The following ITPR1 variants were observed in gnomAD, a reference collection of about 807,000 sequenced individuals.
ITPR1 encodes inositol 1,4,5-trisphosphate receptor type 1.
Under a neutral mutation model 318.4 loss-of-function variants are expected in ITPR1, and 96 were observed. The observed-to-expected ratio is 0.30, with a 90% CI of 0.26 to 0.36. The LOEUF (loss-of-function observed/expected upper bound fraction) is 0.36. Ranked by LOEUF, ITPR1 falls within the 10% of genes least tolerant of loss-of-function variation. The pLI is 1.00. For synonymous variants in ITPR1, 1,312 were observed against 1,289.9 expected, an observed-to-expected ratio of 1.02 and a Z score of -0.37; for missense variants, 2,440 against 3,460.2, an observed-to-expected ratio of 0.71 and a Z score of 7.40.
chr3:4,836,973 C>G, intron 61 of ITPR1, 38 bp downstream of exon 61: 1 of 1,504,040 alleles, frequency 6.6e-7, no homozygotes, highest in Non-Finnish European at 9.0e-7. Context: ...CCTCCCATCA[C>G]TATCCCCACC....
rs561618354 is a variant in ITPR1 at position 4,662,046 on chromosome 3, A to C, written c.1252-36A>C. The C allele has an allele frequency of 2.5e-6, 4 of 1,589,428 alleles. No individual in the cohort carries two copies. In the African/African-American group the frequency reaches 4.0e-5, roughly 16 times the overall value. On this transcript the variant is annotated intron_variant, in intron 14 of 61. Coordinates refer to ENST00000649015, the MANE Select transcript of ITPR1 (RefSeq NM_001378452.1). ...GATTAAAGTCTTATCCTTCCCATCC[A>C]AGAGATTATCTCACAAGGACCACCT...
chr3:4,593,110 A>G (rs1468145587), intron 4 of ITPR1, among the ~76,000 whole-genome samples: 1 of 152,200 alleles, frequency 6.6e-6, no homozygotes, highest in African/African-American at 2.4e-5. Context: ...TTAGAAATCT[A>G]AATACATTTT....
intron 60 of ITPR1, among the ~76,000 whole-genome samples, chr3:4,834,285 TG>T (rs1163981230): frequency 6.6e-6 from 1 of 152,260 alleles, no homozygotes; most frequent in Non-Finnish European, 1.5e-5. Context: ...GTATCAAAAC[TG>T]TTTCTCCTTT....
At chr3:4,688,908 A>G (rs1574868174) in intron 31 of ITPR1, among the ~76,000 whole-genome samples, 3 of 152,362 alleles carry the variant, frequency 2.0e-5, no homozygotes, top group Admixed American at 2.0e-4. Flanking sequence ...CTTCAGCAAT[A>G]TAGAAGTGCT....
At chr3:4,616,185 G>A (rs2092381458) in intron 4 of ITPR1, among the ~76,000 whole-genome samples, 1 of 152,164 alleles carries the variant, frequency 6.6e-6, no homozygotes, top group South Asian at 2.1e-4. Context: ...TGTGTTAACT[G>A]CAATTTTAGA....
Position 4,525,567 on chromosome 3 carries a change from AT to A in ITPR1, c.163+4477del, listed in dbSNP as rs1441836502. Among the ~76,000 whole-genome samples, 5 of 152,306 alleles carry A rather than the reference AT, an allele frequency of 3.3e-5. No homozygotes were observed. The South Asian group carries it at 8.3e-4, about 25-fold the overall frequency. On this transcript the variant is annotated intron_variant, in intron 4 of 61. Transcript: ENST00000649015. ...AGCCACATCTTTTTCATCTGAATGA[AT>A]TTTGGACAATATCATTGTCCTCGTA...
chr3:4,801,186 T>C (rs1199943577), intron 54 of ITPR1, among the ~76,000 whole-genome samples: 1 of 152,140 alleles, frequency 6.6e-6, no homozygotes, highest in African/African-American at 2.4e-5. Flanking sequence ...TATAAAACCA[T>C]ACATTGGAGA....
chr3:4,680,911 T>C (rs900015959), intron 25 of ITPR1, among the ~76,000 whole-genome samples: 3 of 152,218 alleles, frequency 2.0e-5, no homozygotes, highest in Non-Finnish European at 4.4e-5. Context: ...TGGGAGTGTC[T>C]TAGTGATGAG....
chr3:4,794,835 T>C (rs2047795327), intron 52 of ITPR1, among the ~76,000 whole-genome samples: 1 of 152,192 alleles, frequency 6.6e-6, no homozygotes, highest in Non-Finnish European at 1.5e-5. Flanking sequence ...GCTCTCTCCT[T>C]ACTCCACCCC....
intron 44 of ITPR1, among the ~76,000 whole-genome samples, chr3:4,739,988 GA>G (rs2043581463): frequency 6.6e-6 from 1 of 152,206 alleles, no homozygotes; most frequent in Non-Finnish European, 1.5e-5. Flanking sequence ...GCAGGAAGTG[GA>G]AGCTACTAGC....
At chr3:4,531,993 C>G (rs2083450991) in intron 4 of ITPR1, among the ~76,000 whole-genome samples, 1 of 152,202 alleles carries the variant, frequency 6.6e-6, no homozygotes, top group Non-Finnish European at 1.5e-5. Context: ...ATTATGTATA[C>G]CTCACAGGGT....
chr3:4,703,133 G>A (rs2094690533), intron 36 of ITPR1, among the ~76,000 whole-genome samples, 183 bp downstream of exon 36: 1 of 152,158 alleles, frequency 6.6e-6, no homozygotes, highest in Non-Finnish European at 1.5e-5. Context: ...TACCAAGCCA[G>A]CATTTCCCAA....
At chr3:4,807,829 T>C (rs1460465579) in intron 55 of ITPR1, among the ~76,000 whole-genome samples, 1 of 152,228 alleles carries the variant, frequency 6.6e-6, no homozygotes, top group African/African-American at 2.4e-5. Flanking sequence ...TCTGGAACTT[T>C]TTGTCTCATG....
chr3:4,528,145 T>C (rs1322874240), intron 4 of ITPR1, among the ~76,000 whole-genome samples: 1 of 152,170 alleles, frequency 6.6e-6, no homozygotes, highest in Non-Finnish European at 1.5e-5. Flanking sequence ...ACTGCTCCAA[T>C]ACCTTGGAGA....
At chr3:4,510,592 T>C (rs1040165904) in intron 2 of ITPR1, among the ~76,000 whole-genome samples, 2 of 152,204 alleles carry the variant, frequency 1.3e-5, no homozygotes, top group African/African-American at 4.8e-5. Flanking sequence ...ACTGAATACC[T>C]ACTATGTGCT....
intron 26 of ITPR1, among the ~76,000 whole-genome samples, 186 bp downstream of exon 26, chr3:4,681,604 TGAGAGA>T (rs199705361): frequency 1.0e-5 from 1 of 99,238 alleles, no homozygotes; most frequent in African/African-American, 3.9e-5. Flanking sequence ...AGAGAGAGAG[TGAGAGA>T]GAGAGAGAGA....
intron 13 of ITPR1, among the ~76,000 whole-genome samples, chr3:4,658,640 A>G (rs2093765689): frequency 6.6e-6 from 1 of 151,752 alleles, no homozygotes; most frequent in Non-Finnish European, 1.5e-5. Flanking sequence ...TGGAAATAGA[A>G]TAAACCATTG....
chr3:4,728,461 G>T (rs543441584), intron 42 of ITPR1, among the ~76,000 whole-genome samples: 15 of 152,116 alleles, frequency 9.9e-5, no homozygotes, highest in Admixed American at 6.6e-5. Context: ...TTTTATTTTT[G>T]TGGGTACATA....
intron 44 of ITPR1, among the ~76,000 whole-genome samples, chr3:4,740,444 C>T (rs1294116052): frequency 6.6e-6 from 1 of 152,188 alleles, no homozygotes; most frequent in African/African-American, 2.4e-5. Context: ...TTTCATTGTC[C>T]AGACCCTAGA....
Sources: gnomAD v4.1 joint callset for allele counts (sites outside exome capture counted in the v4.1 genomes callset) on GRCh38, gnomAD v4.1.1 for gene constraint, MANE v1.5 for transcripts, NCBI Gene and HGNC (gene_info 2026-07-23, HGNC 2026-07-21) for gene names.